CCNH: variants seen among roughly 807,000 people sequenced by gnomAD.
CCNH encodes the protein cyclin H.
Under a neutral mutation model 41.9 loss-of-function variants are expected in CCNH, and 31 were observed. The observed-to-expected ratio is 0.74, with a 90% CI of 0.56 to 1.00. The LOEUF (loss-of-function observed/expected upper bound fraction) is 1.00, where lower values mean the gene tolerates loss of function less well. Among genes scored for constraint, CCNH ranks in the 50% least tolerant of loss-of-function variants. The pLI, the probability that CCNH is intolerant of heterozygous loss-of-function variation, is 0.00. For synonymous variants in CCNH, 138 were observed against 136.1 expected, an observed-to-expected ratio of 1.01 and a Z score of -0.10; for missense variants, 362 against 388.4, an observed-to-expected ratio of 0.93 and a Z score of 0.57.
chr5:87,383,886 C>A, intron 9 of CCNH: 1 of 961,720 alleles, frequency 1.0e-6, no homozygotes, highest in Non-Finnish European at 1.6e-6. Context: ...TCATCCAATT[C>A]TAGTCATGGC....
At chr5:87,391,193 A>G, downstream of CCNH, 1 of 476,786 alleles carries the variant, frequency 2.1e-6, no homozygotes, top group Non-Finnish European at 3.8e-6. Context: ...TCGAACTTTC[A>G]AAATATATTT....
At chr5:87,373,249 G>A (rs201878682), downstream of CCNH, among the ~76,000 whole-genome samples, 3 of 142,510 alleles carry the variant, frequency 2.1e-5, no homozygotes, top group Admixed American at 2.0e-4. Context: ...ACCATGGGTC[G>A]AAAAAATACA....
At chr5:87,401,135 G>A (rs1160849896) in intron 6 of CCNH, among the ~76,000 whole-genome samples, 2 of 152,174 alleles carry the variant, frequency 1.3e-5, no homozygotes, top group Non-Finnish European at 2.9e-5. Flanking sequence ...GTGCTAGAAG[G>A]GCCATACTCT....
chr5:87,326,039 T>A (rs1023212220), intron 9 of CCNH, among the ~76,000 whole-genome samples: 10 of 152,034 alleles, frequency 6.6e-5, no homozygotes, highest in Non-Finnish European at 1.0e-4. Context: ...TGGCACAATC[T>A]TGTCTCACTT....
chr5:87,379,596 T>TA, upstream of CCNH: 10 of 1,207,706 alleles, frequency 8.3e-6, 2 homozygotes, highest in South Asian at 1.4e-4. Context: ...AAACTCCCAT[T>TA]ATACAAAGAA....
intron 9 of CCNH, chr5:87,349,463 C>CT (rs1430036895): frequency 7.2e-7 from 1 of 1,381,212 alleles, no homozygotes; most frequent in Non-Finnish European, 9.9e-7. Flanking sequence ...AAGTTTCTAA[C>CT]TTCTAAAAAT....
At chr5:87,361,861 T>C (rs1475826361) in intron 9 of CCNH, among the ~76,000 whole-genome samples, 1 of 152,044 alleles carries the variant, frequency 6.6e-6, no homozygotes, top group Non-Finnish European at 1.5e-5. Context: ...TTTTAAGAAA[T>C]ATGTACATCC....
downstream of CCNH, chr5:87,390,978 A>G (rs952567924): frequency 5.8e-6 from 7 of 1,201,906 alleles, no homozygotes; most frequent in East Asian, 4.9e-5. Flanking sequence ...AAAAAATAGC[A>G]CACTTTTCCA....
chr5:87,320,101 G>A (rs985023105), intron 9 of CCNH, among the ~76,000 whole-genome samples: 4 of 152,134 alleles, frequency 2.6e-5, no homozygotes, highest in East Asian at 3.9e-4. Context: ...AAGAGTGACC[G>A]TTACTCTGGT....
At chr5:87,342,424 G>A (rs1037536981) in intron 9 of CCNH, among the ~76,000 whole-genome samples, 2 of 152,138 alleles carry the variant, frequency 1.3e-5, no homozygotes, top group Non-Finnish European at 2.9e-5. Context: ...CTCCCAAAGT[G>A]CTGGAATTAC....
rs1392746639 is a variant in CCNH, at chr5:87,369,916, C to A, written c.*90+22854G>T. The A allele has an allele frequency of 6.4e-7, 1 of 1,567,266 alleles. No individual in the cohort carries two copies. Among genetic ancestry groups the A allele is most frequent in the Admixed American group, 1.7e-5 (1 of 59,764 alleles). On this transcript the variant is annotated intron_variant and NMD_transcript_variant, in intron 9 of 9. Coordinates refer to the CCNH transcript ENST00000645953. ...ACAAGCAGAGGTAAGATTACTGTTTCTCAAACTACAGTATACTTTTATGTT... is the reference window on the plus strand; with the variant it reads ...ACAAGCAGAGGTAAGATTACTGTTTATCAAACTACAGTATACTTTTATGTT...
chr5:87,387,863 G>A (rs1762172333), downstream of CCNH, among the ~76,000 whole-genome samples: 1 of 152,110 alleles, frequency 6.6e-6, no homozygotes, highest in South Asian at 2.1e-4. Context: ...GATATAGTTG[G>A]TCAATCATTG....
At chr5:87,395,531 G>A (rs912424010) in intron 7 of CCNH, among the ~76,000 whole-genome samples, 4 of 152,130 alleles carry the variant, frequency 2.6e-5, no homozygotes, top group African/African-American at 9.7e-5. Context: ...TGAATTTAAT[G>A]TGTGATAAGA....
chr5:87,336,177 C>T (rs1470938822), intron 9 of CCNH, among the ~76,000 whole-genome samples: 1 of 152,144 alleles, frequency 6.6e-6, no homozygotes, highest in African/African-American at 2.4e-5. Flanking sequence ...AATTATAAAA[C>T]AGTGATATTC....
Position 87,365,765 on chromosome 5 carries a change from AT to A in CCNH, c.*90+27004del, listed in dbSNP as rs944978349. Among the ~76,000 whole-genome samples, 129 of 151,758 alleles carry A rather than the reference AT, an allele frequency of 8.5e-4. 1 individual carries two copies. The highest frequency in any genetic ancestry group is 1.9e-3 in the African/African-American group (77 of 41,430). Reference sequence around the variant, plus strand: ...TGAAAGAAATACATTTAATTGCTAAATTTTTTTTTAATACTTTGAAACAAAG... The same window carrying A: ...TGAAAGAAATACATTTAATTGCTAAATTTTTTTTAATACTTTGAAACAAAG... On this transcript the variant is annotated intron_variant and NMD_transcript_variant, in intron 9 of 9. Transcript: ENST00000645953.
At chr5:87,372,027 A>AT, downstream of CCNH, 1 of 1,024,302 alleles carries the variant, frequency 9.8e-7, no homozygotes, top group South Asian at 1.5e-5. Context: ...GAAGGAAAAA[A>AT]TTGTTGAATT....
chr5:87,408,190 G>C lies in CCNH; in HGVS notation c.315-4C>G. On this transcript the variant is annotated splice_region_variant and splice_polypyrimidine_tract_variant and intron_variant, in intron 3 of 8. Coordinates refer to ENST00000256897, the MANE Select transcript of CCNH (RefSeq NM_001239.4). ...GGCCAAAAATGCACAAGTGAGCCTA[G>C]AGGAAAAAATAAGGAGGCAGGAGGC... 1 of 1,451,704 alleles carries C rather than the reference G, an allele frequency of 6.9e-7. No individual in the cohort carries two copies. The highest frequency in any genetic ancestry group is 9.3e-7 in the Non-Finnish European group (1 of 1,075,100). 89.9% of individuals were successfully genotyped at this position (1,451,704 alleles called of 1,614,324 possible).
At chr5:87,338,109 C>T (rs771474315) in intron 9 of CCNH, 2 of 1,611,222 alleles carry the variant, frequency 1.2e-6, no homozygotes, top group Non-Finnish European at 1.7e-6. Context: ...TTGTTCTTTT[C>T]TTCTCAATTC....
intron 9 of CCNH, among the ~76,000 whole-genome samples, chr5:87,357,917 T>C (rs578021820): frequency 1.3e-5 from 2 of 152,310 alleles, no homozygotes; most frequent in Admixed American, 1.3e-4. Context: ...ATTTGATTGA[T>C]TGCTACACAG....
Sources: allele counts gnomAD v4.1 joint callset (sites outside exome capture counted in the v4.1 genomes callset), GRCh38; gene constraint gnomAD v4.1.1; transcripts MANE v1.5; gene names NCBI Gene and HGNC (gene_info 2026-07-23, HGNC 2026-07-21).